PXDNL: variants seen among roughly 807,000 people sequenced by gnomAD.
PXDNL encodes the protein probable oxidoreductase PXDNL.
PXDNL carries 145 observed loss-of-function variants against 150.8 expected under a neutral mutation model. The observed-to-expected ratio is 0.96, with a 90% CI of 0.84 to 1.10. The LOEUF is 1.10. Among genes scored for constraint, PXDNL ranks in the 50% least tolerant of loss-of-function variants. The probability of loss-of-function intolerance (pLI) is 0.00; values close to 1 mark genes in which losing one functional copy is unlikely to be tolerated. For synonymous variants in PXDNL, 757 were observed against 725.7 expected, an observed-to-expected ratio of 1.04 and a Z score of -0.69; for missense variants, 2,087 against 1,873.9, an observed-to-expected ratio of 1.11 and a Z score of -2.10.
chr8:51,493,617 A>C (rs149012805), intron 5 of PXDNL, among the ~76,000 whole-genome samples: 3,944 of 152,344 alleles, frequency 0.026, 214 homozygotes, highest in East Asian at 0.25. Context: ...CCAAGGCACA[A>C]GAACTACATG....
At chr8:51,801,910 C>T (rs2037625224) in intron 1 of PXDNL, among the ~76,000 whole-genome samples, 1 of 152,120 alleles carries the variant, frequency 6.6e-6, no homozygotes, top group Non-Finnish European at 1.5e-5. Flanking sequence ...TGTCTCAAAC[C>T]ATGCATGTAG....
At chr8:51,473,835 T>C (rs533094355) in intron 7 of PXDNL, among the ~76,000 whole-genome samples, 1 of 152,044 alleles carries the variant, frequency 6.6e-6, no homozygotes, top group Non-Finnish European at 1.5e-5. Flanking sequence ...GTTAAGAATT[T>C]TGTGCTTTAT....
At chr8:51,732,561 C>G (rs10448019) in intron 1 of PXDNL, among the ~76,000 whole-genome samples, 121,510 of 152,088 alleles carry the variant, frequency 0.8, 48,716 homozygotes, top group East Asian at 0.9. Flanking sequence ...ACAACAGCGC[C>G]CCACTCTACC....
chr8:51,592,791 C>T (rs937004800), intron 2 of PXDNL, 93 bp from the exon 3 acceptor site: 2 of 792,828 alleles, frequency 2.5e-6, no homozygotes, highest in Non-Finnish European at 3.7e-6. Context: ...CTTTACACAA[C>T]AGAAAAATAT....
chr8:51,447,242 G>T, intron 11 of PXDNL, 80 bp from the exon 12 acceptor site: 5 of 1,452,730 alleles, frequency 3.4e-6, no homozygotes, highest in Non-Finnish European at 3.8e-6. Flanking sequence ...TGGCTAAAGG[G>T]TGAGGCCTGT....
intron 4 of PXDNL, among the ~76,000 whole-genome samples, chr8:51,523,622 A>G (rs1435456613): frequency 6.6e-6 from 1 of 152,230 alleles, no homozygotes; most frequent in Non-Finnish European, 1.5e-5. Flanking sequence ...TGATATGAAA[A>G]TGCTTTCAGG....
intron 1 of PXDNL, among the ~76,000 whole-genome samples, chr8:51,677,227 T>C (rs563815804): frequency 4.6e-5 from 7 of 152,230 alleles, no homozygotes; most frequent in Non-Finnish European, 8.8e-5. Context: ...TCACCCTGCA[T>C]ACCTCTTGGT....
intron 12 of PXDNL, among the ~76,000 whole-genome samples, chr8:51,428,023 T>C (rs1284798126): frequency 1.3e-5 from 2 of 152,206 alleles, no homozygotes; most frequent in African/African-American, 4.8e-5. Flanking sequence ...CCAAGGTCTC[T>C]GGATACAAGA....
intron 8 of PXDNL, among the ~76,000 whole-genome samples, chr8:51,460,250 C>CA (rs879324201): frequency 0.015 from 1,882 of 122,676 alleles, 21 homozygotes; most frequent in African/African-American, 0.04. Context: ...CTGTCTGTCT[C>CA]AAAAAAAAAA....
chr8:51,524,109 G>A (rs932493487), intron 4 of PXDNL, among the ~76,000 whole-genome samples: 1 of 150,166 alleles, frequency 6.7e-6, no homozygotes, highest in Non-Finnish European at 1.5e-5. Flanking sequence ...TGCCACCTCG[G>A]TTCCTCATGG....
intron 3 of PXDNL, among the ~76,000 whole-genome samples, chr8:51,585,863 C>G (rs1310385393): frequency 6.6e-6 from 1 of 151,586 alleles, no homozygotes; most frequent in East Asian, 1.9e-4. Context: ...GCCACCCACC[C>G]CTTGTGGCTC....
intron 4 of PXDNL, among the ~76,000 whole-genome samples, chr8:51,501,661 C>T (rs766211321): frequency 1.3e-5 from 2 of 152,134 alleles, no homozygotes; most frequent in African/African-American, 4.8e-5. Flanking sequence ...CACACTTTCA[C>T]GCACTGACAC....
chr8:51,529,048 A>G (rs1443587880), intron 4 of PXDNL, among the ~76,000 whole-genome samples: 2 of 152,224 alleles, frequency 1.3e-5, no homozygotes, highest in Non-Finnish European at 2.9e-5. Context: ...AAATCTGTAT[A>G]TTGTTATACA....
chr8:51,558,008 A>T (rs1812632691), intron 3 of PXDNL, among the ~76,000 whole-genome samples: 1 of 152,086 alleles, frequency 6.6e-6, no homozygotes, highest in Non-Finnish European at 1.5e-5. Flanking sequence ...TTTTGCTTTT[A>T]CTCCAAATCT....
intron 1 of PXDNL, among the ~76,000 whole-genome samples, chr8:51,759,879 C>T (rs1453577399): frequency 6.6e-6 from 1 of 152,136 alleles, no homozygotes; most frequent in Non-Finnish European, 1.5e-5. Flanking sequence ...AAGGCAATGC[C>T]CTCGGGGCAC....
chr8:51,607,835 A>G (rs1298288311), intron 2 of PXDNL, among the ~76,000 whole-genome samples: 3 of 131,368 alleles, frequency 2.3e-5, no homozygotes, highest in Non-Finnish European at 4.7e-5. Flanking sequence ...GTGAGACTCC[A>G]TCTCAAAAAA....
At chr8:51,356,652 T>C (rs1806519290) in intron 19 of PXDNL, among the ~76,000 whole-genome samples, 1 of 152,210 alleles carries the variant, frequency 6.6e-6, no homozygotes, top group Non-Finnish European at 1.5e-5. Flanking sequence ...TTTATGCTGG[T>C]AAAATAAGAT....
chr8:51,623,123 G>A (rs192781259), intron 2 of PXDNL, among the ~76,000 whole-genome samples: 304 of 152,246 alleles, frequency 2.0e-3, no homozygotes, highest in African/African-American at 6.9e-3. Context: ...TCTTCTAGCC[G>A]CACTACCCAA....
intron 21 of PXDNL, among the ~76,000 whole-genome samples, chr8:51,323,552 G>A (rs1171457172): frequency 6.6e-6 from 1 of 152,136 alleles, no homozygotes; most frequent in Non-Finnish European, 1.5e-5. Context: ...GCTTCCCAAA[G>A]TGCTGGGATT....
Sources: allele counts gnomAD v4.1 joint callset (sites outside exome capture counted in the v4.1 genomes callset), GRCh38; gene constraint gnomAD v4.1.1; transcripts MANE v1.5; gene names NCBI Gene and HGNC (gene_info 2026-07-23, HGNC 2026-07-21).